The following FPR3 variants were observed in gnomAD, a reference collection of about 807,000 sequenced individuals.
FPR3 encodes N-formyl peptide receptor 3.
For missense variants in FPR3, 346 were observed against 443.2 expected (o/e 0.78, Z 1.97); for synonymous variants, 135 against 163.6 (o/e 0.83, Z 1.34).
intron 1 of FPR3, among the ~76,000 whole-genome samples, chr19:51,810,561 T>G (rs932781260): frequency 1.3e-5 from 2 of 152,212 alleles, no homozygotes; most frequent in Non-Finnish European, 2.9e-5. Context: ...TAAGGGCCAT[T>G]ACCTAATAGC....
At chr19:51,800,147 G>A (rs185022415) in intron 1 of FPR3, among the ~76,000 whole-genome samples, 216 of 152,328 alleles carry the variant, frequency 1.4e-3, no homozygotes, top group African/African-American at 5.0e-3. Flanking sequence ...CTGCACCTGA[G>A]TCCCCAGGGC....
intron 1 of FPR3, chr19:51,804,039 G>C (rs904561923): frequency 1.3e-5 from 2 of 152,206 alleles, no homozygotes; most frequent in African/African-American, 4.8e-5. Flanking sequence ...TGGAAGAAGA[G>C]TGTAAAGGGA....
At chr19:51,801,331 C>T (rs530364313) in intron 1 of FPR3, among the ~76,000 whole-genome samples, 6 of 151,822 alleles carry the variant, frequency 4.0e-5, no homozygotes, top group Non-Finnish European at 8.8e-5. Context: ...ATTATGTATA[C>T]ATAATATAGA....
intron 1 of FPR3, among the ~76,000 whole-genome samples, chr19:51,819,940 C>A (rs7247613): frequency 6.6e-6 from 1 of 151,564 alleles, no homozygotes; most frequent in Non-Finnish European, 1.5e-5. Flanking sequence ...CTTGGGAAGA[C>A]GAGAGACAGT....
At chr19:51,795,473 G>A (rs1344358591) in intron 1 of FPR3, 142 bp downstream of exon 1, 1 of 87,834 alleles carries the variant, frequency 1.1e-5, no homozygotes, top group Non-Finnish European at 2.3e-5. Flanking sequence ...CATTAACAGT[G>A]TTTAATTTGG....
chr19:51,803,757 TAGACTC>T (rs1430221617), intron 1 of FPR3: 3 of 152,200 alleles, frequency 2.0e-5, no homozygotes, highest in Admixed American at 1.3e-4. Context: ...GGCTAATTAA[TAGACTC>T]CCTCTACTGC....
intron 1 of FPR3, chr19:51,804,685 A>G (rs1307630666): frequency 6.6e-6 from 1 of 152,208 alleles, no homozygotes; most frequent in Non-Finnish European, 1.5e-5. Context: ...TTATAGTTAT[A>G]TATGAGGATC....
intron 1 of FPR3, among the ~76,000 whole-genome samples, chr19:51,815,588 C>T (rs894628536): frequency 3.6e-4 from 54 of 149,842 alleles, no homozygotes; most frequent in African/African-American, 1.3e-3. Context: ...AAGGTAGACA[C>T]CAGGCACGGT....
intron 1 of FPR3, among the ~76,000 whole-genome samples, chr19:51,809,667 G>T (rs1374151427): frequency 6.6e-6 from 1 of 152,188 alleles, no homozygotes; most frequent in Non-Finnish European, 1.5e-5. Flanking sequence ...GTAATGCCCT[G>T]TAAGTTAAGG....
intron 1 of FPR3, among the ~76,000 whole-genome samples, chr19:51,797,777 G>A (rs748530421): frequency 3.3e-5 from 5 of 151,766 alleles, no homozygotes; most frequent in Admixed American, 1.3e-4. Context: ...TGCAGGGTTC[G>A]GGATTGTACC....
chr19:51,796,497 T>A (rs2083999929), intron 1 of FPR3, among the ~76,000 whole-genome samples: 1 of 152,126 alleles, frequency 6.6e-6, no homozygotes, highest in African/African-American at 2.4e-5. Flanking sequence ...GGAGAATGGA[T>A]CTTAGGGGAG....
chr19:51,814,727 G>C (rs1010519998), intron 1 of FPR3, among the ~76,000 whole-genome samples: 3 of 151,936 alleles, frequency 2.0e-5, no homozygotes, highest in Admixed American at 6.5e-5. Context: ...CTCCTGACTC[G>C]GGTGATCTGC....
chr19:51,823,620 C>A (rs1403099826), intron 1 of FPR3, 119 bp from the exon 2 acceptor site: 1 of 768,260 alleles, frequency 1.3e-6, no homozygotes, highest in Non-Finnish European at 2.1e-6. Flanking sequence ...TATAACCATT[C>A]ACAAGGCTCA....
rs1599842974 is a variant in FPR3, at chr19:51,824,917, A to T, written c.*107A>T. 1.2e-6 allele frequency: 1 copy of T among 867,766 alleles called. No homozygotes were observed. Among genetic ancestry groups the T allele is most frequent in the East Asian group, 2.7e-5 (1 of 37,646 alleles). 53.8% of individuals were successfully genotyped at this position (867,766 alleles called of 1,614,324 possible). On this transcript the variant is annotated 3_prime_UTR_variant, in exon 2 of 2. Transcript: ENST00000339223. The surrounding 1 kb of genome is among the most constrained non-coding windows in gnomAD (Gnocchi z 4.7). ...CTTTCATACCACCACCACCACAATCATCAACATAAAGGAAGTCTGTACCAA... is the reference window on the plus strand; with the variant it reads ...CTTTCATACCACCACCACCACAATCTTCAACATAAAGGAAGTCTGTACCAA...
At chr19:51,802,527 A>G (rs1043765291) in intron 1 of FPR3, among the ~76,000 whole-genome samples, 6 of 152,168 alleles carry the variant, frequency 3.9e-5, no homozygotes, top group African/African-American at 1.2e-4. Flanking sequence ...AAATGAGGCT[A>G]TTGTGGGTGT....
chr19:51,795,582 C>T (rs1386109042), intron 1 of FPR3, among the ~76,000 whole-genome samples: 2 of 127,514 alleles, frequency 1.6e-5, no homozygotes, highest in African/African-American at 6.1e-5. Flanking sequence ...GGCACAATCT[C>T]AGCCCACTGC....
chr19:51,800,777 G>A (rs1350153026), intron 1 of FPR3, among the ~76,000 whole-genome samples: 2 of 152,124 alleles, frequency 1.3e-5, no homozygotes, highest in Non-Finnish European at 2.9e-5. Flanking sequence ...GTAACAATGT[G>A]TAAAGTGAAA....
chr19:51,820,853 T>G (rs920730627), intron 1 of FPR3, among the ~76,000 whole-genome samples: 1 of 152,224 alleles, frequency 6.6e-6, no homozygotes, highest in Admixed American at 6.5e-5. Flanking sequence ...GGTTAGTCAA[T>G]ATTCACCGTG....
At position 51,824,399 on chromosome 19, in the gene FPR3, C is replaced by G; in HGVS notation, c.651C>G (p.Ile217Met). ...GCTTCAGCGTGCCTATGTCCATCAT[C>G]ACAGTCTGCTATGGGATCATCGCTG... ...IIGFSVPMSIITVCYGIIAAK... is the reference protein window; with the variant it reads ...IIGFSVPMSIMTVCYGIIAAK... Residue 217 changes from isoleucine to methionine, a missense_variant, in exon 2 of 2, where the codon ATC (isoleucine) becomes ATG (methionine). Ile to Met is a conservative substitution (Grantham distance 10). Coordinates refer to ENST00000339223, the MANE Select transcript of FPR3 (RefSeq NM_002030.5). The surrounding 1 kb of genome is among the most constrained non-coding windows in gnomAD (Gnocchi z 4.7). The G allele has an allele frequency of 6.2e-7, 1 of 1,614,148 alleles. No individual in the cohort carries two copies.
Sources: allele counts gnomAD v4.1 joint callset (sites outside exome capture counted in the v4.1 genomes callset), GRCh38; gene constraint gnomAD v4.1.1; non-coding constraint Gnocchi (gnomAD v3.1); transcripts MANE v1.5; gene names NCBI Gene and HGNC (gene_info 2026-07-23, HGNC 2026-07-21).